The following NFIA variants were observed in gnomAD, a reference collection of about 807,000 sequenced individuals.
NFIA encodes the protein nuclear factor I A, also known as nuclear factor 1 A-type.
NFIA carries 8 observed loss-of-function variants against 62.8 expected under a neutral mutation model. That is an observed-to-expected ratio of 0.13 (90% CI 0.07 to 0.23). NFIA has a LOEUF of 0.23. Ranked by LOEUF, NFIA falls within the 10% of genes least tolerant of loss-of-function variation. The probability of loss-of-function intolerance (pLI) is 1.00; values close to 1 mark genes in which losing one functional copy is unlikely to be tolerated. For missense variants in NFIA, 410 were observed against 642.1 expected, an observed-to-expected ratio of 0.64 and a Z score of 3.91; for synonymous variants, 235 against 238.1, an observed-to-expected ratio of 0.99 and a Z score of 0.12.
chr1:61,224,852 C>T (rs763916333), intron 2 of NFIA, among the ~76,000 whole-genome samples: 3 of 152,096 alleles, frequency 2.0e-5, no homozygotes, highest in Non-Finnish European at 4.4e-5. Context: ...GTACTACTTG[C>T]TGATCAAGAG....
chr1:61,298,561 G>A (rs1381502139), intron 3 of NFIA, among the ~76,000 whole-genome samples: 1 of 152,058 alleles, frequency 6.6e-6, no homozygotes, highest in East Asian at 1.9e-4. Flanking sequence ...GGTAGAAAAT[G>A]CATTAAATCA....
chr1:61,434,727 C>G (rs1019912406), intron 10 of NFIA, among the ~76,000 whole-genome samples: 2 of 152,096 alleles, frequency 1.3e-5, no homozygotes, highest in Non-Finnish European at 1.5e-5. Context: ...GTATCTGGCA[C>G]ACAATAGGTG....
chr1:61,088,069 CT>C lies in NFIA; in HGVS notation c.28-78del. 7.2e-7 allele frequency: 1 copy of C among 1,392,286 alleles called. No homozygotes were observed. The highest frequency in any genetic ancestry group is 9.8e-7 in the Non-Finnish European group (1 of 1,024,172). 86.2% of individuals were successfully genotyped at this position (1,392,286 alleles called of 1,614,324 possible). A position where few individuals can be genotyped will look rare whatever the true frequency, so the allele number is the denominator to read the frequency against. ...TTCAAGTGAAATGAGGAATTTCTTTCTTAAGGTGACCCGCTGAAGAAAAGTT... is the reference window on the plus strand; with the variant it reads ...TTCAAGTGAAATGAGGAATTTCTTTCTAAGGTGACCCGCTGAAGAAAAGTT... On this transcript the variant is annotated intron_variant, in intron 1 of 10. Transcript: ENST00000403491. This position sits in a 1 kb window ranked among gnomAD's most constrained non-coding sequence, Gnocchi z 4.5.
At chr1:61,204,602 T>TA (rs1213894551) in intron 2 of NFIA, among the ~76,000 whole-genome samples, 1 of 152,220 alleles carries the variant, frequency 6.6e-6, no homozygotes, top group Non-Finnish European at 1.5e-5. Flanking sequence ...AAAAATGCAC[T>TA]AAAATTAGAT....
At chr1:61,347,420 G>C (rs564382814) in intron 4 of NFIA, among the ~76,000 whole-genome samples, 1 of 152,156 alleles carries the variant, frequency 6.6e-6, no homozygotes, top group African/African-American at 2.4e-5. Flanking sequence ...TGATCCGCCT[G>C]CCTCAGCCTC....
chr1:61,267,783 GA>G (rs1657264778), intron 2 of NFIA, among the ~76,000 whole-genome samples: 2 of 152,134 alleles, frequency 1.3e-5, no homozygotes, highest in African/African-American at 4.8e-5. Context: ...GTTTCACCAG[GA>G]GATAGGATTT....
intron 2 of NFIA, among the ~76,000 whole-genome samples, chr1:61,095,892 T>C (rs1341055643): frequency 6.6e-6 from 1 of 152,114 alleles, no homozygotes; most frequent in East Asian, 1.9e-4. Context: ...CATGGTTTTA[T>C]ATGTACAAGA....
At chr1:61,119,200 GT>G (rs1490043430) in intron 2 of NFIA, among the ~76,000 whole-genome samples, 1 of 152,068 alleles carries the variant, frequency 6.6e-6, no homozygotes, top group Non-Finnish European at 1.5e-5. Flanking sequence ...ATGTAGGTAT[GT>G]TTCCCCCTGG....
intron 10 of NFIA, among the ~76,000 whole-genome samples, chr1:61,444,724 T>C (rs1256785596): frequency 6.6e-6 from 1 of 152,226 alleles, no homozygotes; most frequent in Admixed American, 6.5e-5. Context: ...GCAAGATTTT[T>C]GGGATTGCAG....
intron 2 of NFIA, among the ~76,000 whole-genome samples, chr1:61,218,995 G>T (rs2100614249): frequency 6.6e-6 from 1 of 152,318 alleles, no homozygotes; most frequent in Admixed American, 6.5e-5. Flanking sequence ...ACTTTGGGAG[G>T]CCGAGGCGGG....
chr1:61,086,905 A>G (rs1646228460), intron 1 of NFIA, among the ~76,000 whole-genome samples: 1 of 152,134 alleles, frequency 6.6e-6, no homozygotes, highest in Admixed American at 6.6e-5. Context: ...ACCATTTAGC[A>G]AAAAAGCCAT....
At chr1:61,354,401 G>A (rs751433281) in intron 5 of NFIA, among the ~76,000 whole-genome samples, 3 of 152,114 alleles carry the variant, frequency 2.0e-5, no homozygotes, top group Non-Finnish European at 1.5e-5. Flanking sequence ...AATGTTCACC[G>A]ATCAATATGT....
At chr1:61,210,967 T>C (rs28605683) in intron 2 of NFIA, among the ~76,000 whole-genome samples, 1 of 152,256 alleles carries the variant, frequency 6.6e-6, no homozygotes, top group Non-Finnish European at 1.5e-5. Flanking sequence ...ATGGCTGAAC[T>C]GGCATCATTT....
At chr1:61,333,420 G>A (rs1037851172) in intron 4 of NFIA, among the ~76,000 whole-genome samples, 2 of 152,248 alleles carry the variant, frequency 1.3e-5, no homozygotes, top group Admixed American at 1.3e-4. Flanking sequence ...CATGACGTCA[G>A]GTCAAACAAG....
At chr1:61,245,245 T>C (rs1291297865) in intron 2 of NFIA, among the ~76,000 whole-genome samples, 1 of 152,162 alleles carries the variant, frequency 6.6e-6, no homozygotes. Flanking sequence ...CAGAATTAAA[T>C]TGAGGGGCAT....
At chr1:61,286,090 G>T (rs1041136016) in intron 3 of NFIA, among the ~76,000 whole-genome samples, 1 of 152,136 alleles carries the variant, frequency 6.6e-6, no homozygotes, top group Admixed American at 6.5e-5. Context: ...TTAAAGACTT[G>T]TACCTCAATT....
chr1:61,436,572 G>GC (rs1266437566), intron 10 of NFIA, among the ~76,000 whole-genome samples: 1 of 152,150 alleles, frequency 6.6e-6, no homozygotes, highest in Non-Finnish European at 1.5e-5. Context: ...ACAGTTTCAA[G>GC]CCCAGAGCTT....
rs181724540 is a variant in NFIA at position 61,129,173 on chromosome 1, C to T, written c.559+40493C>T. Among the ~76,000 whole-genome samples, 92 of 152,068 alleles carry T rather than the reference C, an allele frequency of 6.0e-4. No individual in the cohort carries two copies. In the East Asian group the frequency reaches 0.017, roughly 28 times the overall value. On this transcript the variant is annotated intron_variant, in intron 2 of 10. Coordinates refer to ENST00000403491, the MANE Select transcript of NFIA (RefSeq NM_001134673.4). ...TCCTGACCTCGTGATCCGTTCGCCT[C>T]GGCCTCCCAGAGTGCTGGGATTACA...
intron 7 of NFIA, among the ~76,000 whole-genome samples, chr1:61,400,746 T>C (rs368051964): frequency 6.6e-6 from 1 of 152,182 alleles, no homozygotes; most frequent in Non-Finnish European, 1.5e-5. Context: ...ATAATGGTAG[T>C]TTTTTTCTAT....
Sources: gnomAD v4.1 joint callset for allele counts (sites outside exome capture counted in the v4.1 genomes callset) on GRCh38, gnomAD v4.1.1 for gene constraint, Gnocchi (gnomAD v3.1) non-coding constraint, MANE v1.5 for transcripts, NCBI Gene and HGNC (gene_info 2026-07-23, HGNC 2026-07-21) for gene names.